The following STRBP variants were observed in gnomAD, a reference collection of about 807,000 sequenced individuals.
STRBP encodes spermatid perinuclear RNA binding protein.
Under a neutral mutation model 80.1 loss-of-function variants are expected in STRBP, and 13 were observed. The observed-to-expected ratio is 0.16, with a 90% CI of 0.11 to 0.26. The LOEUF (loss-of-function observed/expected upper bound fraction) is 0.26. STRBP is among the 10% of genes least tolerant of loss of function. The pLI is 1.00. For missense variants in STRBP, 485 were observed against 815.2 expected, an observed-to-expected ratio of 0.59 and a Z score of 4.93; for synonymous variants, 284 against 291.2, an observed-to-expected ratio of 0.98 and a Z score of 0.25.
intron 16 of STRBP, among the ~76,000 whole-genome samples, chr9:123,133,689 G>A (rs745503246): frequency 6.6e-6 from 1 of 151,880 alleles, no homozygotes; most frequent in Non-Finnish European, 1.5e-5. Context: ...ACAGGCACCC[G>A]CCACCACACC....
chr9:123,264,372 C>T (rs571632509), intron 1 of STRBP, among the ~76,000 whole-genome samples: 73 of 152,308 alleles, frequency 4.8e-4, no homozygotes, highest in African/African-American at 1.2e-3. Context: ...AAAGAATGAA[C>T]AAACTTCAAT....
chr9:123,246,404 C>T (rs778671685), intron 1 of STRBP, among the ~76,000 whole-genome samples: 5 of 152,196 alleles, frequency 3.3e-5, no homozygotes, highest in Non-Finnish European at 5.9e-5. Context: ...ATGAATACTG[C>T]AAGGATTTTG....
intron 1 of STRBP, among the ~76,000 whole-genome samples, chr9:123,239,361 C>T (rs1344995678): frequency 4.0e-5 from 6 of 151,690 alleles, no homozygotes; most frequent in Non-Finnish European, 7.4e-5. Flanking sequence ...GGTGACAGAG[C>T]GAGACTCTGT....
intron 2 of STRBP, among the ~76,000 whole-genome samples, chr9:123,189,895 G>A (rs1335705463): frequency 1.3e-5 from 2 of 152,016 alleles, no homozygotes; most frequent in African/African-American, 4.8e-5. Flanking sequence ...AATTATGTGA[G>A]ATTTACAAGT....
intron 2 of STRBP, among the ~76,000 whole-genome samples, chr9:123,224,508 G>C (rs766587190): frequency 6.6e-6 from 1 of 152,114 alleles, no homozygotes; most frequent in Non-Finnish European, 1.5e-5. Context: ...CCCACCCACA[G>C]ACATACTCAC....
intron 13 of STRBP, among the ~76,000 whole-genome samples, chr9:123,143,482 A>G (rs2036678606): frequency 6.6e-6 from 1 of 152,390 alleles, no homozygotes; most frequent in East Asian, 1.9e-4. Flanking sequence ...CGATTGAGTA[A>G]GAACTAAAAG....
intron 2 of STRBP, among the ~76,000 whole-genome samples, chr9:123,200,628 C>T (rs1479894557): frequency 6.8e-5 from 10 of 146,936 alleles, no homozygotes; most frequent in Non-Finnish European, 1.0e-4. Context: ...AGTGCAGTGG[C>T]GCGAACTCGG....
intron 6 of STRBP, among the ~76,000 whole-genome samples, chr9:123,165,692 C>T (rs543669567): frequency 4.5e-4 from 68 of 152,284 alleles, no homozygotes; most frequent in African/African-American, 1.6e-3. Context: ...CTGTGTGAAG[C>T]TCAGAATGAC....
chr9:123,125,926 A>G (rs2035876772), intron 18 of STRBP, among the ~76,000 whole-genome samples: 1 of 152,210 alleles, frequency 6.6e-6, no homozygotes, highest in Non-Finnish European at 1.5e-5. Context: ...TCATTGAGTG[A>G]GCTACCATGA....
At chr9:123,250,513 TA>T (rs941471411) in intron 1 of STRBP, among the ~76,000 whole-genome samples, 19 of 149,294 alleles carry the variant, frequency 1.3e-4, no homozygotes, top group East Asian at 1.9e-4. Flanking sequence ...GGTCTATAGT[TA>T]AAAAAAAAAG....
At chr9:123,142,306 C>G (rs2036622227) in intron 13 of STRBP, among the ~76,000 whole-genome samples, 1 of 152,156 alleles carries the variant, frequency 6.6e-6, no homozygotes, top group South Asian at 2.1e-4. Context: ...TCGCCCTTCT[C>G]TCTTCCTCCT....
chr9:123,212,802 A>T (rs2039756646), intron 2 of STRBP: 1 of 152,214 alleles, frequency 6.6e-6, no homozygotes, highest in African/African-American at 2.4e-5. Flanking sequence ...ATTCTTATTA[A>T]AAATTAAGCA....
intron 6 of STRBP, among the ~76,000 whole-genome samples, chr9:123,162,899 C>A (rs188628497): frequency 5.5e-4 from 84 of 152,230 alleles, no homozygotes; most frequent in African/African-American, 2.0e-3. Flanking sequence ...GTTTCTATGT[C>A]AAAATGCTTA....
At position 123,179,243 on chromosome 9, in the gene STRBP, C is replaced by T. The variant is rs374964553; in HGVS notation, c.4-16G>A. On this transcript the variant is annotated splice_polypyrimidine_tract_variant and intron_variant, in intron 3 of 18. Coordinates refer to ENST00000348403, the MANE Select transcript of STRBP (RefSeq NM_018387.5). The stretch of plus-strand genomic sequence containing the variant: ...GAATAGATCTCTGTTAGAAGGAGAA[C>T]GAAAACAATTACTTCAACAAAAGAA... The T allele has an allele frequency of 2.5e-5, 40 of 1,586,118 alleles. No homozygotes were observed. The highest frequency in any genetic ancestry group is 1.7e-4 in the Middle Eastern group (1 of 5,946).
intron 6 of STRBP, chr9:123,168,318 A>G (rs1217100883): frequency 3.0e-6 from 2 of 674,590 alleles, no homozygotes; most frequent in Non-Finnish European, 1.8e-6. Flanking sequence ...GATACTACAT[A>G]CAGCAAAAAA....
At chr9:123,259,785 A>C (rs1184395677) in intron 1 of STRBP, among the ~76,000 whole-genome samples, 2 of 152,258 alleles carry the variant, frequency 1.3e-5, no homozygotes, top group African/African-American at 2.4e-5. Flanking sequence ...AGGTGTAATA[A>C]GGAAGAACCA....
At chr9:123,111,811 G>A (rs1392124626) in intron 3 of STRBP, 5 of 300,266 alleles carry the variant, frequency 1.7e-5, no homozygotes, top group Middle Eastern at 1.2e-3. Flanking sequence ...TACCATAAGA[G>A]CCTGAGAGCT....
intron 18 of STRBP, 135 bp downstream of exon 18, chr9:123,128,079 G>A: frequency 9.1e-7 from 1 of 1,098,808 alleles, no homozygotes; most frequent in South Asian, 1.5e-5. Flanking sequence ...ATTTTCAAAA[G>A]GAATTTAAGT....
downstream of STRBP, among the ~76,000 whole-genome samples, chr9:123,120,510 C>T (rs897412671): frequency 1.1e-4 from 1 of 9,174 alleles, no homozygotes; most frequent in Non-Finnish European, 2.3e-4. Context: ...GGGGCAGGGG[C>T]GGGGAAAGCA....
Sources: allele counts gnomAD v4.1 joint callset (sites outside exome capture counted in the v4.1 genomes callset), GRCh38; gene constraint gnomAD v4.1.1; transcripts MANE v1.5; gene names NCBI Gene and HGNC (gene_info 2026-07-23, HGNC 2026-07-21).